ABCA9: variants seen among roughly 807,000 people sequenced by gnomAD.
ABCA9 encodes the protein ATP binding cassette subfamily A member 9, also known as ATP-binding cassette sub-family A member 9.
A neutral mutation model predicts 205.3 loss-of-function variants in ABCA9; 183 were observed. The observed-to-expected ratio is 0.89, with a 90% confidence interval of 0.79 to 1.01. ABCA9 has a LOEUF of 1.01. ABCA9 is among the 50% of genes least tolerant of loss of function. The probability of loss-of-function intolerance (pLI) is 0.00; values close to 1 mark genes in which losing one functional copy is unlikely to be tolerated. For missense variants in ABCA9, 1,805 were observed against 1,912.4 expected, an observed-to-expected ratio of 0.94 and a Z score of 1.05; for synonymous variants, 651 against 683.3, an observed-to-expected ratio of 0.95 and a Z score of 0.74.
intron 26 of ABCA9, among the ~76,000 whole-genome samples, chr17:68,993,329 G>A (rs575276816): frequency 9.8e-5 from 15 of 152,352 alleles, no homozygotes; most frequent in Admixed American, 8.5e-4. Context: ...TCTGTTAGGA[G>A]AATCCTGGGC....
chr17:69,042,249 T>C (rs1406071479), intron 6 of ABCA9: 2 of 152,248 alleles, frequency 1.3e-5, no homozygotes, highest in African/African-American at 4.8e-5. Context: ...TGTTTATTCT[T>C]AACCACCATG....
In ABCA9 at chr17:69,035,671, C is replaced by A; in HGVS notation, c.931G>T (p.Gly311Cys). 1 of 1,613,280 alleles carries A rather than the reference C, an allele frequency of 6.2e-7. No homozygotes were observed. The highest frequency in any genetic ancestry group is 2.2e-5 in the East Asian group (1 of 44,788). Residue 311 changes from glycine (G) to cysteine (C), a missense_variant, in exon 7 of 39, where the codon GGC (glycine) becomes TGC (cysteine). Physicochemically the swap from Gly to Cys is radical, Grantham distance 159. Coordinates refer to ENST00000340001, the MANE Select transcript of ABCA9 (RefSeq NM_080283.4). ...ATTAACCAACTCACCAAAGACAGGC[C>A]ATAGAGGAGAAAGAGGGTGAAGACC... Reference protein sequence around the residue: ...VMVFTLFLLYGLSLITLAFLM... With the variant: ...VMVFTLFLLYCLSLITLAFLM...
rs747906177 is a variant in ABCA9, at chr17:68,990,934, A to G, written c.3740T>C (p.Ile1247Thr). The G allele has an allele frequency of 6.2e-7, 1 of 1,612,568 alleles. No homozygotes were observed. Among genetic ancestry groups the G allele is most frequent in the Non-Finnish European group, 8.5e-7 (1 of 1,179,628 alleles). Residue 1247 changes from isoleucine to threonine, a missense_variant, in exon 29 of 39, where the codon ATT becomes ACT. By Grantham distance (89) the Ile-to-Thr change is moderately conservative. Coordinates refer to ENST00000340001, the MANE Select transcript of ABCA9 (RefSeq NM_080283.4). ...TTCAGGCTCTTCTGGGTTTGGAAAA[A>G]TAGCGTTGCTTCTTGGAGAAATTCT... ...VFRISPRSNA[I>T]FPNPEEPEGE...
intron 1 of ABCA9, among the ~76,000 whole-genome samples, chr17:69,053,103 A>G (rs1055027398): frequency 2.6e-5 from 4 of 152,130 alleles, no homozygotes; most frequent in Non-Finnish European, 5.9e-5. Context: ...ACTTCTTTAC[A>G]TGGGCATGAT....
chr17:68,989,375 T>A (rs1003014523), intron 30 of ABCA9, among the ~76,000 whole-genome samples: 4 of 151,740 alleles, frequency 2.6e-5, no homozygotes, highest in Non-Finnish European at 5.9e-5. Context: ...CCCCATGTCA[T>A]ACAGACAGTA....
In ABCA9 at chr17:69,026,978, G is replaced by T; in HGVS notation, c.2048C>A (p.Ala683Glu). 6.2e-7 allele frequency: 1 copy of T among 1,613,590 alleles called. No homozygotes were observed. The highest frequency in any genetic ancestry group is 1.1e-5 in the South Asian group (1 of 91,010). The change falls in exon 15 of 39, where the codon GCG becomes GAG. Residue 683 changes from alanine to glutamate, a missense_variant and splice_region_variant. Physicochemically the swap from Ala to Glu is moderately radical, Grantham distance 107 (BLOSUM62 -1). Transcript: ENST00000340001. ...TQFIDEADIL[A>E]DRKVFISNGK... ...ACATAAGAGAAACAAAAAATTACCC[G>T]CCAGAATGTCAGCCTCATCTATAAA...
At position 68,975,784 on chromosome 17, in the gene ABCA9, T is replaced by C. The variant is rs1052172849; in HGVS notation, c.*131A>G. 6.9e-6 allele frequency: 5 copies of C among 725,710 alleles called. No individual in the cohort carries two copies. In the African/African-American group the frequency reaches 7.1e-5, roughly 10 times the overall value. The allele number at this position is 725,710 out of a possible 1,614,324, so 45.0% of individuals were successfully genotyped here. On this transcript the variant is annotated 3_prime_UTR_variant, in exon 39 of 39. Transcript: ENST00000340001. Reference sequence around the variant, plus strand: ...CCTGTTGTCTCACTGTAAGAAATACTACTGAGGATAATTATTGCATGAGTT... The same window carrying C: ...CCTGTTGTCTCACTGTAAGAAATACCACTGAGGATAATTATTGCATGAGTT...
At chr17:69,049,910 G>A (rs2071845309) in intron 2 of ABCA9, among the ~76,000 whole-genome samples, 4 of 151,968 alleles carry the variant, frequency 2.6e-5, no homozygotes, top group Admixed American at 1.3e-4. Flanking sequence ...GCTGGTATGT[G>A]GAAGAAGATA....
intron 36 of ABCA9, 141 bp downstream of exon 36, chr17:68,983,568 G>C (rs2069131157): frequency 8.4e-7 from 1 of 1,192,850 alleles, no homozygotes. Context: ...TGAGCCCTTG[G>C]AATTGAATTT....
At chr17:69,014,100 C>T (rs562060150) in intron 22 of ABCA9, among the ~76,000 whole-genome samples, 47 of 152,224 alleles carry the variant, frequency 3.1e-4, no homozygotes, top group African/African-American at 1.1e-3. Context: ...GATAATGAAA[C>T]ACAGTGACAC....
chr17:68,981,835 C>CAA (rs398041827), intron 37 of ABCA9, among the ~76,000 whole-genome samples: 2,707 of 50,622 alleles, frequency 0.053, 243 homozygotes, highest in African/African-American at 0.11. Flanking sequence ...AACTCTTTCT[C>CAA]AAAAAAAAAA....
rs755114352 is a variant in ABCA9 at position 69,018,527 on chromosome 17, A to C, written c.2653T>G (p.Tyr885Asp). 6.2e-7 allele frequency: 1 copy of C among 1,606,066 alleles called. No individual in the cohort carries two copies. Among genetic ancestry groups the C allele is most frequent in the Non-Finnish European group, 8.5e-7 (1 of 1,177,062 alleles). Residue 885 changes from tyrosine to aspartate, a missense_variant, in exon 20 of 39, where the codon TAC becomes GAC. Transcript: ENST00000340001. ...FIPQLLEHLF[Y>D]ESYQKSYPWE... is the part of the protein sequence containing the mutation. Reference sequence around the variant, plus strand: ...GGGTAACTTTTCTGATATGACTCGTAGAATAGATGTTCCAAAAGTTGAGGG... The same window carrying C: ...GGGTAACTTTTCTGATATGACTCGTCGAATAGATGTTCCAAAAGTTGAGGG...
In ABCA9 at chr17:69,024,215, T is replaced by C. The variant is rs368028768; in HGVS notation, c.2280A>G (p.Pro760=). The change falls in exon 17 of 39, where the codon CCA becomes CCG. Residue 760 remains proline, a splice_region_variant and synonymous_variant. Transcript: ENST00000340001. The part of the protein sequence containing the change: ...ILPLERTNKF[P]ELYRDLDRCS... Reference sequence around the variant, plus strand: ...TCTGTCATCTTTACATTTTGTTACCTGGAAATTTGTTTGTCCTTTCCAAAG... The same window carrying C: ...TCTGTCATCTTTACATTTTGTTACCCGGAAATTTGTTTGTCCTTTCCAAAG... The C allele has an allele frequency of 5.0e-6, 8 of 1,611,630 alleles. No individual in the cohort carries two copies. In the Admixed American group the frequency reaches 6.7e-5, roughly 13 times the overall value.
intron 37 of ABCA9, among the ~76,000 whole-genome samples, chr17:68,979,562 A>C (rs769763979): frequency 4.6e-5 from 7 of 151,284 alleles, no homozygotes; most frequent in East Asian, 3.9e-4. Flanking sequence ...ACCAAAACAG[A>C]ATGGTACTGG....
chr17:69,072,698 CA>C, the ABCA9 span, among the ~76,000 whole-genome samples: 2 of 151,444 alleles, frequency 1.3e-5, no homozygotes, highest in African/African-American at 4.8e-5. Context: ...AACTGATGGG[CA>C]AAATAACCAG....
intron 37 of ABCA9, among the ~76,000 whole-genome samples, chr17:68,982,270 C>G (rs1598327526): frequency 6.6e-6 from 1 of 152,150 alleles, no homozygotes; most frequent in East Asian, 1.9e-4. Flanking sequence ...ACTGATCACT[C>G]TTTCCTGTGA....
rs141104514 is a variant in ABCA9, at chr17:69,033,726, C to T, written c.1276G>A (p.Ala426Thr). ...LTLYFDKILP[A>T]EYGHRCSPLF... Reference sequence around the variant, plus strand: ...AAATTACAGCCATGTTAGTACTTACCGGGCAAAATTTTGTCAAAATATAAT... The same window carrying T: ...AAATTACAGCCATGTTAGTACTTACTGGGCAAAATTTTGTCAAAATATAAT... Residue 426 changes from alanine to threonine, a missense_variant and splice_region_variant, in exon 9 of 39, where the codon GCT becomes ACT. Ala to Thr is a moderately conservative substitution (Grantham distance 58). Coordinates refer to ENST00000340001, the MANE Select transcript of ABCA9 (RefSeq NM_080283.4). The T allele has an allele frequency of 1.7e-5, 28 of 1,603,634 alleles. No individual in the cohort carries two copies. Among genetic ancestry groups the T allele is most frequent in the African/African-American group, 1.5e-4 (11 of 74,554 alleles).
intron 25 of ABCA9, among the ~76,000 whole-genome samples, chr17:69,006,329 C>T (rs2070124968): frequency 6.6e-6 from 1 of 152,096 alleles, no homozygotes; most frequent in African/African-American, 2.4e-5. Flanking sequence ...AAAAGACATA[C>T]AAGAACAAGA....
rs267605018 is a variant in ABCA9 at position 69,020,500 on chromosome 17, G to A, written c.2488C>T (p.His830Tyr). The change falls in exon 19 of 39, where the codon CAC becomes TAC. Residue 830 changes from histidine (H) to tyrosine (Y), a missense_variant. Transcript: ENST00000340001. ...VELEQVLSSFHETRKTISGVA... is the reference protein window; with the variant it reads ...VELEQVLSSFYETRKTISGVA... The stretch of plus-strand genomic sequence containing the variant: ...CCACTGATTGTTTTCCTTGTTTCGT[G>A]GAAGGAAGACAAAACTTGTTCCAGC... 6.2e-7 allele frequency: 1 copy of A among 1,614,020 alleles called. No individual in the cohort carries two copies. The highest frequency in any genetic ancestry group is 8.5e-7 in the Non-Finnish European group (1 of 1,179,962).
Sources: gnomAD v4.1 joint callset for allele counts (sites outside exome capture counted in the v4.1 genomes callset) on GRCh38, gnomAD v4.1.1 for gene constraint, MANE v1.5 for transcripts, NCBI Gene and HGNC (gene_info 2026-07-23, HGNC 2026-07-21) for gene names.